TDRD15: variants seen among roughly 807,000 people sequenced by gnomAD.
The protein encoded by TDRD15 is tudor domain-containing protein 15.
For synonymous variants in TDRD15, 503 were observed against 314.5 expected (o/e 1.60, Z -6.34); for missense variants, 1,416 against 904.7 (o/e 1.57, Z -7.25).
At chr2:21,146,124 T>C (rs1418916229), downstream of TDRD15, among the ~76,000 whole-genome samples, 2 of 152,016 alleles carry the variant, frequency 1.3e-5, no homozygotes, top group African/African-American at 4.8e-5. Flanking sequence ...TGAATTATTT[T>C]GTGAGAAAAA....
chr2:21,125,231 C>G (rs1329940652), intron 1 of TDRD15, among the ~76,000 whole-genome samples: 2 of 149,178 alleles, frequency 1.3e-5, no homozygotes, highest in Admixed American at 6.7e-5. Context: ...AGGGAGAGAT[C>G]CCAATGCCAG....
In TDRD15 at chr2:21,141,198, A is replaced by G. The variant is rs1313206164; in HGVS notation, c.3731A>G (p.His1244Arg). 1.4e-5 allele frequency: 10 copies of G among 714,660 alleles called. No homozygotes were observed. Among genetic ancestry groups the G allele is most frequent in the Admixed American group, 1.0e-4 (5 of 49,628 alleles). 44.3% of individuals were successfully genotyped at this position (714,660 alleles called of 1,614,324 possible). A position where few individuals can be genotyped will look rare whatever the true frequency, so the allele number is the denominator to read the frequency against. Residue 1244 changes from histidine (H) to arginine (R), a missense_variant, in exon 4 of 4, where the codon CAT (histidine) becomes CGT (arginine). Transcript: ENST00000405799. ...ATAAAAATTGTCCCTGGAGCTGCAC[A>G]TATTCTTGAGAACAGGCGTGTGGGC... is the stretch of plus-strand genomic sequence containing the variant. The part of the protein sequence containing the change: ...KGIKIVPGAA[H>R]ILENRRVGQK...
At chr2:21,146,418 T>C (rs374399138), downstream of TDRD15, among the ~76,000 whole-genome samples, 103 of 152,176 alleles carry the variant, frequency 6.8e-4, 1 homozygote, top group East Asian at 0.012. Context: ...ATATTCAAGG[T>C]AATTGTTTTT....
downstream of TDRD15, among the ~76,000 whole-genome samples, chr2:21,145,076 A>G (rs1184259489): frequency 6.6e-6 from 1 of 151,944 alleles, no homozygotes; most frequent in Admixed American, 6.6e-5. Context: ...CAGAAGAGCA[A>G]AGAGGCTAGG....
intron 1 of TDRD15, among the ~76,000 whole-genome samples, chr2:21,124,456 CAG>C (rs1452555002): frequency 8.2e-6 from 1 of 122,490 alleles, no homozygotes; most frequent in East Asian, 2.5e-4. Flanking sequence ...GTGTGTGTGA[CAG>C]AGTGATCCTA....
chr2:21,129,356 A>G (rs1665676011), intron 2 of TDRD15, among the ~76,000 whole-genome samples: 1 of 152,184 alleles, frequency 6.6e-6, no homozygotes, highest in Non-Finnish European at 1.5e-5. Flanking sequence ...TAATTTGTCT[A>G]CATTCTTGCT....
Position 21,140,766 on chromosome 2 carries a change from A to T in TDRD15, c.3299A>T (p.Asp1100Val). 2 of 714,938 alleles carry T rather than the reference A, an allele frequency of 2.8e-6. No homozygotes were observed. Among genetic ancestry groups the T allele is most frequent in the Middle Eastern group, 2.3e-4 (1 of 4,352 alleles). The allele number at this position is 714,938 out of a possible 1,614,324, so 44.3% of individuals were successfully genotyped here. The change falls in exon 4 of 4, where the codon GAC becomes GTC. Residue 1100 changes from aspartate to valine, a missense_variant. By Grantham distance (152) the Asp-to-Val change is radical (BLOSUM62 -3). Transcript: ENST00000405799. ...GCAGAAATCAGTAGTTGGTTTAAAG[A>T]CAATTTCTTGGGAAGATCATTAAAG... Reference protein sequence around the residue: ...IPAEISSWFKDNFLGRSLKAI... With the variant: ...IPAEISSWFKVNFLGRSLKAI...
At chr2:21,135,109 T>C (rs1665784310) in intron 3 of TDRD15, among the ~76,000 whole-genome samples, 1 of 146,254 alleles carries the variant, frequency 6.8e-6, no homozygotes, top group Non-Finnish European at 1.5e-5. Flanking sequence ...TTATATATAA[T>C]ATAAAATATA....
intron 2 of TDRD15, among the ~76,000 whole-genome samples, chr2:21,134,471 T>C (rs986810823): frequency 3.3e-5 from 5 of 151,964 alleles, no homozygotes; most frequent in African/African-American, 1.2e-4. Flanking sequence ...GCAGGTAGAC[T>C]GTTCCATATT....
chr2:21,124,176 C>T (rs1340623246), intron 1 of TDRD15, 130 bp downstream of exon 1: 1 of 152,588 alleles, frequency 6.6e-6, no homozygotes, highest in Non-Finnish European at 1.5e-5. Context: ...GATCTGAAGT[C>T]TGTTGTGGGA....
chr2:21,129,788 G>C (rs1490673226), intron 2 of TDRD15, among the ~76,000 whole-genome samples: 1 of 152,066 alleles, frequency 6.6e-6, no homozygotes, highest in Non-Finnish European at 1.5e-5. Context: ...AACACATCTT[G>C]ATATGTTTTC....
rs1238358564 is a variant in TDRD15 at position 21,140,361 on chromosome 2, G to T, written c.2894G>T (p.Ser965Ile). ...TCTTCCTTTAATATACAAATTGGAAGTGAAGAAGAAGTATATATATCTCAC... is the reference window on the plus strand; with the variant it reads ...TCTTCCTTTAATATACAAATTGGAATTGAAGAAGAAGTATATATATCTCAC... The part of the protein sequence containing the change: ...CYSSFNIQIG[S>I]EEEVYISHIY... Residue 965 changes from serine to isoleucine, a missense_variant, in exon 4 of 4, where the codon AGT (serine) becomes ATT (isoleucine). Coordinates refer to ENST00000405799, the MANE Select transcript of TDRD15 (RefSeq NM_001306137.2). 1 of 705,608 alleles carries T rather than the reference G, an allele frequency of 1.4e-6. No individual in the cohort carries two copies. The highest frequency in any genetic ancestry group is 2.7e-5 in the East Asian group (1 of 37,138). The allele number at this position is 705,608 out of a possible 1,614,324, so 43.7% of individuals were successfully genotyped here.
Position 21,138,259 on chromosome 2 carries a change from T to C in TDRD15, c.792T>C (p.Thr264=). Residue 264 remains threonine, a synonymous_variant, in exon 4 of 4, where the codon ACT becomes ACC. Coordinates refer to ENST00000405799, the MANE Select transcript of TDRD15 (RefSeq NM_001306137.2). ...SKFYCQLIKW[T]PELENLTAHM... Reference sequence around the variant, plus strand: ...TTTATTGTCAGTTAATTAAATGGACTCCAGAGCTAGAAAACTTGACAGCAC... The same window carrying C: ...TTTATTGTCAGTTAATTAAATGGACCCCAGAGCTAGAAAACTTGACAGCAC... 1 of 716,294 alleles carries C rather than the reference T, an allele frequency of 1.4e-6. No homozygotes were observed. The highest frequency in any genetic ancestry group is 1.5e-5 in the South Asian group (1 of 67,484). The allele number at this position is 716,294 out of a possible 1,614,324, so 44.4% of individuals were successfully genotyped here.
At chr2:21,134,954 G>T (rs1665779975) in intron 3 of TDRD15, 107 bp downstream of exon 3, 2 of 148,676 alleles carry the variant, frequency 1.3e-5, no homozygotes, top group South Asian at 2.1e-4. Flanking sequence ...TAATACATTT[G>T]TTCATTGTGT....
At position 21,141,572 on chromosome 2, in the gene TDRD15, C is replaced by T; in HGVS notation, c.4105C>T (p.Pro1369Ser). The T allele has an allele frequency of 1.4e-6, 1 of 713,766 alleles. No homozygotes were observed. Among genetic ancestry groups the T allele is most frequent in the Non-Finnish European group, 2.6e-6 (1 of 383,220 alleles). 44.2% of individuals were successfully genotyped at this position (713,766 alleles called of 1,614,324 possible). Residue 1369 changes from proline to serine, a missense_variant, in exon 4 of 4, where the codon CCA becomes TCA. Coordinates refer to ENST00000405799, the MANE Select transcript of TDRD15 (RefSeq NM_001306137.2). ...CAGGGCAGTTATTAAGAAAATTTTG[C>T]CAGGAAATTCTTTTGAAGTAGAATT... ...IYRAVIKKIL[P>S]GNSFEVEFID... is the part of the protein sequence containing the mutation.
chr2:21,124,743 CGTGTGT>C (rs140124387), intron 1 of TDRD15, among the ~76,000 whole-genome samples: 1 of 53,450 alleles, frequency 1.9e-5, no homozygotes, highest in African/African-American at 7.5e-5. Flanking sequence ...GGTGTGTGTG[CGTGTGT>C]GTGTGTGTGA....
rs1665873373 is a variant in TDRD15 at position 21,139,284 on chromosome 2, A to G, written c.1817A>G (p.Asp606Gly). 1 of 713,794 alleles carries G rather than the reference A, an allele frequency of 1.4e-6. No homozygotes were observed. The highest frequency in any genetic ancestry group is 2.0e-5 in the Admixed American group (1 of 49,498). The allele number at this position is 713,794 out of a possible 1,614,324, so 44.2% of individuals were successfully genotyped here. Reference protein sequence around the residue: ...CSLAHIFPVEDLWTKAAIDYF... With the variant: ...CSLAHIFPVEGLWTKAAIDYF... Reference sequence around the variant, plus strand: ...CTTGCACATATATTTCCTGTTGAAGATTTATGGACTAAGGCTGCAATTGAT... The same window carrying G: ...CTTGCACATATATTTCCTGTTGAAGGTTTATGGACTAAGGCTGCAATTGAT... The change falls in exon 4 of 4, where the codon GAT becomes GGT. Residue 606 changes from aspartate (D) to glycine (G), a missense_variant. By Grantham distance (94) the Asp-to-Gly change is moderately conservative (BLOSUM62 -1). Coordinates refer to ENST00000405799, the MANE Select transcript of TDRD15 (RefSeq NM_001306137.2).
At chr2:21,125,133 A>G (rs540355831) in intron 1 of TDRD15, among the ~76,000 whole-genome samples, 2 of 146,066 alleles carry the variant, frequency 1.4e-5, no homozygotes, top group South Asian at 2.2e-4. Context: ...GAGAAATCCT[A>G]ATGTCAGGGT....
downstream of TDRD15, among the ~76,000 whole-genome samples, chr2:21,145,773 C>G (rs565245688): frequency 2.6e-5 from 4 of 152,058 alleles, no homozygotes; most frequent in East Asian, 7.7e-4. Flanking sequence ...CTCTATTACT[C>G]TTCCACTATT....
Sources: allele counts gnomAD v4.1 joint callset (sites outside exome capture counted in the v4.1 genomes callset), GRCh38; gene constraint gnomAD v4.1.1; transcripts MANE v1.5; gene names NCBI Gene and HGNC (gene_info 2026-07-23, HGNC 2026-07-21).